CADPS2: variants seen among roughly 807,000 people sequenced by gnomAD.
CADPS2 encodes the protein calcium dependent secretion activator 2, also known as calcium-dependent secretion activator 2.
In CADPS2, 93 loss-of-function variants were observed where a neutral mutation model predicts 172.5. The ratio of observed to expected loss-of-function variants is 0.54; its 90% CI spans 0.46 to 0.64. The LOEUF (loss-of-function observed/expected upper bound fraction) is 0.64, where lower values mean the gene tolerates loss of function less well. CADPS2 is among the 30% of genes least tolerant of loss of function. The pLI, the probability that CADPS2 is intolerant of heterozygous loss-of-function variation, is 0.00. For synonymous variants in CADPS2, 546 were observed against 555.2 expected (o/e 0.98, Z 0.23); for missense variants, 1,420 against 1,565.9 (o/e 0.91, Z 1.57).
At chr7:122,462,599 T>A (rs917902571) in intron 14 of CADPS2, among the ~76,000 whole-genome samples, 18 of 152,122 alleles carry the variant, frequency 1.2e-4, no homozygotes, top group Non-Finnish European at 2.6e-4. Flanking sequence ...TATTGAAAAA[T>A]TAAATCAAAA....
intron 1 of CADPS2, among the ~76,000 whole-genome samples, chr7:122,809,561 T>TAG (rs1799567342): frequency 6.9e-6 from 1 of 144,798 alleles, no homozygotes; most frequent in South Asian, 2.2e-4. Context: ...GCCTGGGCAA[T>TAG]AGAGAGAGAC....
chr7:122,376,904 T>A (rs1443667312), intron 25 of CADPS2, among the ~76,000 whole-genome samples: 1 of 152,120 alleles, frequency 6.6e-6, no homozygotes, highest in African/African-American at 2.4e-5. Flanking sequence ...AAAATGGTTT[T>A]AAAAATATCA....
chr7:122,605,891 ATTTT>A (rs1394085382), intron 6 of CADPS2, among the ~76,000 whole-genome samples: 1 of 151,490 alleles, frequency 6.6e-6, no homozygotes. Context: ...TTAATCCAGG[ATTTT>A]TTTTTCTGTT....
At chr7:122,363,558 A>T (rs2040462546) in intron 25 of CADPS2, among the ~76,000 whole-genome samples, 1 of 151,738 alleles carries the variant, frequency 6.6e-6, no homozygotes, top group African/African-American at 2.4e-5. Flanking sequence ...TTCTTGGCTC[A>T]AGTTGCAGCT....
At chr7:122,821,692 T>G (rs1343229906) in intron 1 of CADPS2, among the ~76,000 whole-genome samples, 5 of 152,230 alleles carry the variant, frequency 3.3e-5, no homozygotes, top group East Asian at 3.9e-4. Context: ...GCCAAGCAGT[T>G]TTTCAGGCTC....
At chr7:122,399,821 G>T (rs1271438837) in intron 20 of CADPS2, among the ~76,000 whole-genome samples, 2 of 150,474 alleles carry the variant, frequency 1.3e-5, no homozygotes, top group Non-Finnish European at 3.0e-5. Flanking sequence ...CGAGTAGCTG[G>T]GACTACAGGC....
intron 16 of CADPS2, among the ~76,000 whole-genome samples, 168 bp downstream of exon 16, chr7:122,441,344 G>C (rs537253330): frequency 2.6e-5 from 4 of 152,152 alleles, no homozygotes; most frequent in Non-Finnish European, 5.9e-5. Context: ...GGAGAATGAA[G>C]TGCTGTAGAC....
chr7:122,724,578 T>C (rs1203619632), intron 2 of CADPS2, among the ~76,000 whole-genome samples: 1 of 152,090 alleles, frequency 6.6e-6, no homozygotes, highest in African/African-American at 2.4e-5. Context: ...TTTAACTTCA[T>C]TAACTGGTTC....
rs1196367817 is a variant in CADPS2, at chr7:122,338,038, A to C, written c.3612+7536T>G. 2.0e-5 allele frequency among the ~76,000 whole-genome samples: 3 copies of C among 152,226 alleles called. No homozygotes were observed. In the East Asian group the frequency reaches 5.8e-4, roughly 29 times the overall value. On this transcript the variant is annotated intron_variant, in intron 28 of 29. Coordinates refer to ENST00000449022, the MANE Select transcript of CADPS2 (RefSeq NM_017954.11). ...CTATCATATATATAACCAATTAGTC[A>C]AACTTTTTATCCACCTTTAGTACAC...
At chr7:122,662,685 T>C (rs2080735140) in intron 3 of CADPS2, among the ~76,000 whole-genome samples, 1 of 152,214 alleles carries the variant, frequency 6.6e-6, no homozygotes, top group Non-Finnish European at 1.5e-5. Flanking sequence ...TATCCCATTT[T>C]TGTATGTATA....
At chr7:122,693,204 C>T (rs1461408709) in intron 2 of CADPS2, among the ~76,000 whole-genome samples, 1 of 152,194 alleles carries the variant, frequency 6.6e-6, no homozygotes, top group African/African-American at 2.4e-5. Flanking sequence ...CTGTTCTCTC[C>T]ATTAGAATGT....
At chr7:122,743,637 GAAAGGTTTTTCAAAAAGGT>G (rs2092595777) in intron 1 of CADPS2, among the ~76,000 whole-genome samples, 1 of 152,138 alleles carries the variant, frequency 6.6e-6, no homozygotes, top group Non-Finnish European at 1.5e-5. Flanking sequence ...ATAAAAATGA[GAAAGGTTTTTCAAAAAGGT>G]AAAAGTCTTT....
chr7:122,355,960 C>T (rs577601170), intron 27 of CADPS2, among the ~76,000 whole-genome samples: 1 of 152,144 alleles, frequency 6.6e-6, no homozygotes, highest in African/African-American at 2.4e-5. Flanking sequence ...TTTAGATTTA[C>T]AGAAACACTG....
At chr7:122,370,390 T>C (rs1295903236) in intron 25 of CADPS2, among the ~76,000 whole-genome samples, 1 of 152,182 alleles carries the variant, frequency 6.6e-6, no homozygotes, top group Non-Finnish European at 1.5e-5. Context: ...TTTTAAAAAA[T>C]GAATATTGCC....
At chr7:122,881,604 A>G (rs6966490) in intron 1 of CADPS2, among the ~76,000 whole-genome samples, 27,219 of 152,114 alleles carry the variant, frequency 0.18, 3,072 homozygotes, top group African/African-American at 0.32. Flanking sequence ...AGCACAAAAA[A>G]ATGAATCACC....
At chr7:122,585,957 T>C (rs933907739) in intron 6 of CADPS2, among the ~76,000 whole-genome samples, 3 of 151,916 alleles carry the variant, frequency 2.0e-5, no homozygotes, top group Admixed American at 6.6e-5. Flanking sequence ...TAATTGTAAG[T>C]ATTAAAAAGA....
At position 122,393,520 on chromosome 7, in the gene CADPS2, G is replaced by A. The variant is rs200436780; in HGVS notation, c.2809C>T (p.Arg937Cys). 110 of 1,613,800 alleles carry A rather than the reference G, an allele frequency of 6.8e-5. No homozygotes were observed. Among genetic ancestry groups the A allele is most frequent in the Admixed American group, 1.2e-4 (7 of 59,998 alleles). The change falls in exon 21 of 30, where the codon CGC (arginine) becomes TGC (cysteine). Residue 937 changes from arginine to cysteine, a missense_variant. Transcript: ENST00000449022. ...GAAGACTCCATGAGATCCACATAGC[G>A]GACAACCAAGGGTACAAAGATTTCT... ...LQEIFVPLVV[R>C]YVDLMESSIA...
chr7:122,843,671 T>C (rs12532933), intron 1 of CADPS2, among the ~76,000 whole-genome samples: 298 of 152,254 alleles, frequency 2.0e-3, no homozygotes, highest in African/African-American at 6.9e-3. Context: ...CTGAGCAGTC[T>C]GACAAGAGAG....
At chr7:122,337,652 T>C (rs1017438104) in intron 28 of CADPS2, among the ~76,000 whole-genome samples, 3 of 151,800 alleles carry the variant, frequency 2.0e-5, no homozygotes, top group African/African-American at 7.3e-5. Flanking sequence ...TATAAATTCT[T>C]ACACTTACAA....
Sources: allele counts gnomAD v4.1 joint callset (sites outside exome capture counted in the v4.1 genomes callset), GRCh38; gene constraint gnomAD v4.1.1; transcripts MANE v1.5; gene names NCBI Gene and HGNC (gene_info 2026-07-23, HGNC 2026-07-21).